CSGALNACT1: variants seen among roughly 807,000 people sequenced by gnomAD.
The protein encoded by CSGALNACT1 is chondroitin sulfate N-acetylgalactosaminyltransferase 1.
Under a neutral mutation model 51.0 loss-of-function variants are expected in CSGALNACT1, and 52 were observed. That is an observed-to-expected ratio of 1.02 (90% CI 0.82 to 1.29). The LOEUF (loss-of-function observed/expected upper bound fraction) is 1.29. Among genes scored for constraint, CSGALNACT1 ranks in the 50% most tolerant of loss-of-function variants. CSGALNACT1 has a pLI of 0.00. For synonymous variants in CSGALNACT1, 341 were observed against 254.4 expected, an observed-to-expected ratio of 1.34 and a Z score of -3.24; for missense variants, 935 against 679.2, an observed-to-expected ratio of 1.38 and a Z score of -4.19.
At chr8:19,630,241 TG>T (rs2055057248) in intron 1 of CSGALNACT1, among the ~76,000 whole-genome samples, 1 of 112,892 alleles carries the variant, frequency 8.9e-6, no homozygotes, top group African/African-American at 3.6e-5. Context: ...TGTGTGTGTG[TG>T]TATGTGTGTG....
chr8:19,559,315 A>C, intron 3 of CSGALNACT1, among the ~76,000 whole-genome samples: 1 of 152,218 alleles, frequency 6.6e-6, no homozygotes. Flanking sequence ...AGAAGTAAGA[A>C]GAGAAGGTCA....
At chr8:19,629,639 C>T (rs913606812) in intron 1 of CSGALNACT1, among the ~76,000 whole-genome samples, 1 of 152,144 alleles carries the variant, frequency 6.6e-6, no homozygotes. Flanking sequence ...CTACTCCAGC[C>T]CTAATGGCAT....
intron 1 of CSGALNACT1, among the ~76,000 whole-genome samples, chr8:19,618,837 T>C (rs1684201939): frequency 6.6e-6 from 1 of 152,146 alleles, no homozygotes; most frequent in South Asian, 2.1e-4. Context: ...TTCTCCTTCC[T>C]GCTGGATTTA....
chr8:19,687,975 C>G (rs555957916), intron 1 of CSGALNACT1, among the ~76,000 whole-genome samples: 1 of 152,310 alleles, frequency 6.6e-6, no homozygotes, highest in South Asian at 2.1e-4. Flanking sequence ...CAGTTTCTTA[C>G]ATCCGTGTTG....
chr8:19,546,021 G>A (rs1009157680), intron 3 of CSGALNACT1, among the ~76,000 whole-genome samples: 11 of 151,772 alleles, frequency 7.2e-5, no homozygotes, highest in African/African-American at 2.7e-4. Context: ...GAAAATTTAG[G>A]TCATACAGTT....
intron 4 of CSGALNACT1, among the ~76,000 whole-genome samples, chr8:19,490,567 G>A (rs528022114): frequency 1.3e-5 from 2 of 152,274 alleles, no homozygotes; most frequent in East Asian, 1.9e-4. Flanking sequence ...AGGAGCATGC[G>A]AAACCACCTT....
At chr8:19,708,906 G>A (rs1467580178) in intron 1 of CSGALNACT1, among the ~76,000 whole-genome samples, 2 of 152,114 alleles carry the variant, frequency 1.3e-5, no homozygotes, top group African/African-American at 4.8e-5. Context: ...ATTCCATCAT[G>A]TACCACATAT....
intron 1 of CSGALNACT1, among the ~76,000 whole-genome samples, chr8:19,732,089 G>T (rs1013425246): frequency 6.6e-6 from 1 of 152,148 alleles, no homozygotes; most frequent in Non-Finnish European, 1.5e-5. Flanking sequence ...ATTAGGTAAC[G>T]TAAGCTAAAG....
intron 4 of CSGALNACT1, among the ~76,000 whole-genome samples, chr8:19,478,969 T>A (rs954850302): frequency 6.6e-6 from 1 of 152,200 alleles, no homozygotes; most frequent in Admixed American, 6.5e-5. Flanking sequence ...GAAGAAATAC[T>A]GAGAAGCAGG....
At chr8:19,531,740 A>C (rs1330732208) in intron 3 of CSGALNACT1, 2 of 152,258 alleles carry the variant, frequency 1.3e-5, no homozygotes, top group Non-Finnish European at 2.9e-5. Context: ...TGTTGTTTGC[A>C]AGCAAATTCA....
At chr8:19,724,713 T>C (rs1329588682) in intron 1 of CSGALNACT1, among the ~76,000 whole-genome samples, 1 of 152,220 alleles carries the variant, frequency 6.6e-6, no homozygotes, top group Admixed American at 6.5e-5. Context: ...GAAGGTGCAA[T>C]GAAGTCAATA....
chr8:19,611,007 G>A (rs944370173), intron 1 of CSGALNACT1, among the ~76,000 whole-genome samples: 1 of 152,204 alleles, frequency 6.6e-6, no homozygotes, highest in Non-Finnish European at 1.5e-5. Flanking sequence ...AGAGCTTTGA[G>A]CAGCGGGGCA....
chr8:19,565,019 T>C (rs2041613856), intron 3 of CSGALNACT1, among the ~76,000 whole-genome samples: 1 of 152,218 alleles, frequency 6.6e-6, no homozygotes, highest in Non-Finnish European at 1.5e-5. Context: ...AGGACCTCAA[T>C]GAATCCACTG....
At chr8:19,435,083 G>C (rs529632550) in intron 6 of CSGALNACT1, among the ~76,000 whole-genome samples, 1 of 152,276 alleles carries the variant, frequency 6.6e-6, no homozygotes, top group South Asian at 2.1e-4. Flanking sequence ...CTCAATCTCA[G>C]AGATGATTCC....
chr8:19,488,418 T>G (rs1240478524), intron 4 of CSGALNACT1, among the ~76,000 whole-genome samples: 1 of 132,812 alleles, frequency 7.5e-6, no homozygotes, highest in Non-Finnish European at 1.6e-5. Context: ...TATATATAGT[T>G]AGATCAGAAT....
intron 1 of CSGALNACT1, among the ~76,000 whole-genome samples, chr8:19,693,854 G>GT: frequency 6.6e-6 from 1 of 152,146 alleles, no homozygotes; most frequent in Admixed American, 6.5e-5. Flanking sequence ...AGTAATTACG[G>GT]TTTTTGCCAT....
intron 1 of CSGALNACT1, among the ~76,000 whole-genome samples, chr8:19,661,818 G>C (rs2058761345): frequency 6.6e-6 from 1 of 152,116 alleles, no homozygotes; most frequent in African/African-American, 2.4e-5. Context: ...GATATGCCTT[G>C]CCTTTCTATT....
chr8:19,670,923 G>T (rs73599245), intron 1 of CSGALNACT1, among the ~76,000 whole-genome samples: 4 of 152,250 alleles, frequency 2.6e-5, no homozygotes, highest in African/African-American at 9.6e-5. Flanking sequence ...CTCCACAAGT[G>T]CCATGGGGAC....
At chr8:19,642,029 G>C (rs2056797762) in intron 1 of CSGALNACT1, 1 of 152,152 alleles carries the variant, frequency 6.6e-6, no homozygotes, top group Admixed American at 6.5e-5. Flanking sequence ...TGTCTAACTG[G>C]ACATCAGTTA....
Sources: gnomAD v4.1 joint callset for allele counts (sites outside exome capture counted in the v4.1 genomes callset) on GRCh38, gnomAD v4.1.1 for gene constraint, MANE v1.5 for transcripts, NCBI Gene and HGNC (gene_info 2026-07-23, HGNC 2026-07-21) for gene names.